Variants in COMMD4 observed in about 807,000 individuals in gnomAD.
COMMD4 encodes COMM domain-containing protein 4.
COMMD4 carries 18 observed loss-of-function variants against 27.5 expected under a neutral mutation model. The ratio of observed to expected loss-of-function variants is 0.65; its 90% CI spans 0.45 to 0.97. COMMD4 has a LOEUF of 0.97. COMMD4 is among the 50% of genes least tolerant of loss of function. The pLI, the probability that COMMD4 is intolerant of heterozygous loss-of-function variation, is 0.00. For synonymous variants in COMMD4, 108 were observed against 108.4 expected (o/e 1.00, Z 0.02); for missense variants, 243 against 250.0 (o/e 0.97, Z 0.19).
At chr15:75,336,454 G>C in intron 1 of COMMD4, 1 of 562,170 alleles carries the variant, frequency 1.8e-6, no homozygotes, top group Non-Finnish European at 3.0e-6. Context: ...CCCCAGCCCT[G>C]CCGTGGGGCT....
intron 6 of COMMD4, 119 bp from the exon 7 acceptor site, chr15:75,339,583 G>A: frequency 8.2e-7 from 1 of 1,224,712 alleles, no homozygotes. Flanking sequence ...GGGTCAGCAG[G>A]ATGGGAGCTT....
chr15:75,337,361 G>A (rs1595835267), intron 1 of COMMD4: 1 of 152,608 alleles, frequency 6.6e-6, no homozygotes, highest in Non-Finnish European at 1.5e-5. Flanking sequence ...GGGAGGCTGA[G>A]GGGGACGGAT....
At chr15:75,338,289 G>A (rs903699463) in intron 2 of COMMD4, 66 bp from the exon 3 acceptor site, 11 of 1,467,254 alleles carry the variant, frequency 7.5e-6, no homozygotes, top group African/African-American at 7.0e-5. Flanking sequence ...GGCCTGCTCT[G>A]AGCCAGTCCC....
At chr15:75,342,917 C>G (rs1000967784), downstream of COMMD4, 1 of 152,226 alleles carries the variant, frequency 6.6e-6, no homozygotes, top group Admixed American at 6.5e-5. Context: ...CTCCCGAGTT[C>G]AAGTGATTCT....
chr15:75,337,833 T>C (rs1272830178), intron 1 of COMMD4: 5 of 585,614 alleles, frequency 8.5e-6, no homozygotes, highest in African/African-American at 5.6e-5. Flanking sequence ...TGATGTTTGC[T>C]GAGCAGATGA....
At position 75,339,995 on chromosome 15, in the gene COMMD4, C is replaced by A. The variant is rs202141846; in HGVS notation, c.590C>A (p.Ser197Tyr). ...AAGCAGGCCCAGACCCTGATGAGCT[C>A]CCTGGGCTGAGGAGAAGGGTGTTCC... ...ELKQAQTLMS[S>Y]LG is the part of the protein sequence containing the mutation. The change falls in exon 8 of 8, where the codon TCC becomes TAC. Residue 197 changes from serine to tyrosine, a missense_variant. Coordinates refer to ENST00000267935, the MANE Select transcript of COMMD4 (RefSeq NM_017828.5). 11 of 1,614,128 alleles carry A rather than the reference C, an allele frequency of 6.8e-6. No homozygotes were observed. The highest frequency in any genetic ancestry group is 9.3e-6 in the Non-Finnish European group (11 of 1,179,990).
At chr15:75,338,161 G>T in intron 2 of COMMD4, 28 bp downstream of exon 2, 1 of 1,578,884 alleles carries the variant, frequency 6.3e-7, no homozygotes, top group Non-Finnish European at 8.6e-7. Flanking sequence ...TAGTCTGGGT[G>T]GAGGAGGGGT....
intron 1 of COMMD4, chr15:75,336,838 A>T (rs1232537362): frequency 6.6e-6 from 1 of 152,366 alleles, no homozygotes; most frequent in East Asian, 1.9e-4. Context: ...AGGGGTAGGG[A>T]GGCAAGGGTG....
Position 75,339,742 on chromosome 15 carries a change from C to T in COMMD4, c.423C>T (p.Thr141=). The part of the protein sequence containing the change: ...LAGVGWRVDY[T]LSSSLLQSVE... ...GTGTGGGCTGGCGGGTGGACTACAC[C>T]CTGAGCTCCAGCCTGCTGCAATCCG... is the stretch of plus-strand genomic sequence containing the variant. The change falls in exon 7 of 8, where the codon ACC becomes ACT. Residue 141 remains threonine (T), a synonymous_variant. Transcript: ENST00000267935. The T allele has an allele frequency of 6.2e-7, 1 of 1,611,884 alleles. No individual in the cohort carries two copies. Among genetic ancestry groups the T allele is most frequent in the Non-Finnish European group, 8.5e-7 (1 of 1,178,650 alleles).
downstream of COMMD4, among the ~76,000 whole-genome samples, chr15:75,340,461 A>C (rs1318982764): frequency 6.6e-6 from 1 of 152,114 alleles, no homozygotes; most frequent in African/African-American, 2.4e-5. Context: ...TCAGGGTTCT[A>C]GCTCCCAGAT....
rs768526433 is a variant in COMMD4, at chr15:75,338,659, T to C, written c.155T>C (p.Leu52Pro). The C allele has an allele frequency of 1.7e-5, 27 of 1,613,874 alleles. No homozygotes were observed. The highest frequency in any genetic ancestry group is 2.2e-5 in the Non-Finnish European group (26 of 1,179,952). Residue 52 changes from leucine to proline, a missense_variant, in exon 4 of 8, where the codon CTG (leucine) becomes CCG (proline). Transcript: ENST00000267935. ...CTTTCCCCATAGTATGAGAAGATCC[T>C]GAAGCTCACGGCTGACGCCAAGTTT... ...LGQGIDYEKI[L>P]KLTADAKFES... is the part of the protein sequence containing the mutation.
intron 1 of COMMD4, chr15:75,336,549 G>A (rs1208620735): frequency 3.5e-6 from 1 of 284,698 alleles, no homozygotes; most frequent in African/African-American, 2.2e-5. Context: ...GAAAGTAGTA[G>A]TTTTGGGGTT....
At chr15:75,338,960 C>T in intron 4 of COMMD4, 25 bp from the exon 5 acceptor site, 1 of 1,613,878 alleles carries the variant, frequency 6.2e-7, no homozygotes, top group Admixed American at 1.7e-5. Context: ...AGTGACACCC[C>T]CTGCCCCACC....
chr15:75,339,327 G>C lies in COMMD4; in HGVS notation c.365G>C (p.Arg122Pro). The C allele has an allele frequency of 3.1e-6, 5 of 1,611,668 alleles. No homozygotes were observed. The South Asian group carries it at 5.5e-5, about 18-fold the overall frequency. ...EKQSPLQKHL[R>P]VCSLRMNRLA... ...CAAAGCCCCTTGCAGAAGCACTTGC[G>C]GGTCTGCAGCCTACGCAGTAAGTAT... The change falls in exon 6 of 8, where the codon CGG becomes CCG. Residue 122 changes from arginine (R) to proline (P), a missense_variant. Arg to Pro is a moderately radical substitution (Grantham distance 103, BLOSUM62 -2). Coordinates refer to ENST00000267935, the MANE Select transcript of COMMD4 (RefSeq NM_017828.5).
chr15:75,342,765 G>T (rs1376386703), downstream of COMMD4: 2 of 152,162 alleles, frequency 1.3e-5, no homozygotes, highest in African/African-American at 2.4e-5. Flanking sequence ...TCATCACAAA[G>T]AAATAAATAT....
intron 6 of COMMD4, 135 bp from the exon 7 acceptor site, chr15:75,339,567 G>T: frequency 8.5e-7 from 1 of 1,176,096 alleles, no homozygotes; most frequent in South Asian, 1.6e-5. Flanking sequence ...GCCCTGTTCT[G>T]AGCCTGGGTC....
chr15:75,336,499 T>TG (rs2071195747), intron 1 of COMMD4: 11 of 477,400 alleles, frequency 2.3e-5, no homozygotes, highest in Non-Finnish European at 4.0e-5. Flanking sequence ...GGCTCACTCT[T>TG]CCACACTGTT....
chr15:75,342,918 A>G (rs1354019460), downstream of COMMD4: 2 of 152,138 alleles, frequency 1.3e-5, no homozygotes, highest in Non-Finnish European at 2.9e-5. Flanking sequence ...TCCCGAGTTC[A>G]AGTGATTCTC....
At chr15:75,343,211 A>G (rs2071441127), downstream of COMMD4, 1 of 152,236 alleles carries the variant, frequency 6.6e-6, no homozygotes, top group South Asian at 2.1e-4. Flanking sequence ...TAAAAATAAA[A>G]CTATAGATAA....
Sources: gnomAD v4.1 joint callset for allele counts (sites outside exome capture counted in the v4.1 genomes callset) on GRCh38, gnomAD v4.1.1 for gene constraint, MANE v1.5 for transcripts, NCBI Gene and HGNC (gene_info 2026-07-23, HGNC 2026-07-21) for gene names.